Variants in MGA observed in about 807,000 individuals in gnomAD.
MGA encodes MAX dimerization protein MGA, also known as MAX gene-associated protein.
Under a neutral mutation model 261.1 loss-of-function variants are expected in MGA, and 40 were observed. The ratio of observed to expected loss-of-function variants is 0.15; its 90% CI spans 0.12 to 0.20. The LOEUF (loss-of-function observed/expected upper bound fraction) is 0.20. MGA is among the 10% of genes least tolerant of loss of function. The pLI is 1.00. For synonymous variants in MGA, 1,302 were observed against 1,290.6 expected (o/e 1.01, Z -0.19); for missense variants, 3,397 against 3,630.5 (o/e 0.94, Z 1.65).
chr15:41,650,786 G>T (rs1230856710), intron 1 of MGA, among the ~76,000 whole-genome samples: 1 of 152,162 alleles, frequency 6.6e-6, no homozygotes, highest in Admixed American at 6.6e-5. Flanking sequence ...ATAGTGCAGA[G>T]TAGGGATCTA....
chr15:41,739,803 A>T, intron 13 of MGA, 103 bp from the exon 14 acceptor site: 1 of 1,169,242 alleles, frequency 8.6e-7, no homozygotes, highest in Non-Finnish European at 1.2e-6. Flanking sequence ...TAAATCTGAA[A>T]AATAGACTTA....
intron 2 of MGA, among the ~76,000 whole-genome samples, chr15:41,695,431 C>T (rs2059507598): frequency 6.6e-6 from 1 of 152,160 alleles, no homozygotes; most frequent in South Asian, 2.1e-4. Context: ...TTGTGATCCG[C>T]CTGCCTCAGC....
chr15:41,734,044 A>C (rs765793361), intron 11 of MGA, among the ~76,000 whole-genome samples: 2 of 151,016 alleles, frequency 1.3e-5, no homozygotes, highest in Non-Finnish European at 2.9e-5. Context: ...ACCAACTGGG[A>C]CTATAGGTGT....
upstream of MGA, among the ~76,000 whole-genome samples, chr15:41,657,995 C>G (rs2057242091): frequency 1.3e-5 from 2 of 152,242 alleles, no homozygotes; most frequent in South Asian, 4.1e-4. Context: ...AGCCTTTCCC[C>G]TATCCTCAGC....
At position 41,696,636 on chromosome 15, in the gene MGA, A is replaced by T. The variant is rs200667036; in HGVS notation, c.1626A>T (p.Lys542Asn). Residue 542 changes from lysine (K) to asparagine (N), a missense_variant, in exon 3 of 24, where the codon AAA (lysine) becomes AAT (asparagine). Transcript: ENST00000219905. ...CACCAGATCTCAGAGTGGTACAAAA[A>T]TATCCCTTACTGAAAGAGCCTCAGT... The T allele has an allele frequency of 8.5e-4, 1,377 of 1,613,452 alleles. No individual in the cohort carries two copies. The highest frequency in any genetic ancestry group is 1.1e-3 in the Non-Finnish European group (1,255 of 1,179,708).
intron 1 of MGA, among the ~76,000 whole-genome samples, chr15:41,635,088 C>T (rs1328178675): frequency 6.6e-6 from 1 of 151,802 alleles, no homozygotes; most frequent in Non-Finnish European, 1.5e-5. Context: ...AATCCCAGCA[C>T]CTAGGGAGGC....
intron 2 of MGA, among the ~76,000 whole-genome samples, chr15:41,692,363 A>G: frequency 6.6e-6 from 1 of 152,154 alleles, no homozygotes; most frequent in Middle Eastern, 3.2e-3. Flanking sequence ...AGCAGTGAGG[A>G]CTAGTTTCCT....
intron 2 of MGA, among the ~76,000 whole-genome samples, chr15:41,682,692 G>T (rs1247579550): frequency 6.6e-6 from 1 of 151,756 alleles, no homozygotes; most frequent in African/African-American, 2.4e-5. Flanking sequence ...TTTTGGCCAG[G>T]CTGGTCTTGA....
chr15:41,698,854 G>A lies in MGA; in HGVS notation c.2014-9G>A, dbSNP rs1316256526. On this transcript the variant is annotated splice_polypyrimidine_tract_variant and intron_variant, in intron 3 of 23. Coordinates refer to ENST00000219905, the MANE Select transcript of MGA (RefSeq NM_001164273.2). ...TGAACTACTATTTTTTTTTTTTTTT[G>A]ATGTATAGGAAGCTCTAGACATTCA... 1 of 1,208,696 alleles carries A rather than the reference G, an allele frequency of 8.3e-7. No homozygotes were observed. The highest frequency in any genetic ancestry group is 1.1e-6 in the Non-Finnish European group (1 of 909,230). The allele number at this position is 1,208,696 out of a possible 1,614,324, so 74.9% of individuals were successfully genotyped here.
At chr15:41,743,581 A>G (rs2062241417) in intron 15 of MGA, among the ~76,000 whole-genome samples, 2 of 152,236 alleles carry the variant, frequency 1.3e-5, no homozygotes. Context: ...AGCCACTAAC[A>G]TGGGCATGGG....
Position 41,750,386 on chromosome 15 carries a change from C to T in MGA, c.6779C>T (p.Ala2260Val), listed in dbSNP as rs563694615. ...GCCTTCTCCATTGTTCCTAGGAGAGCTGCAAAAAGCAGCAGAGGGAATGGA... is the reference window on the plus strand; with the variant it reads ...GCCTTCTCCATTGTTCCTAGGAGAGTTGCAAAAAGCAGCAGAGGGAATGGA... The change falls in exon 17 of 24, where the codon GCT becomes GTT. Residue 2260 changes from alanine (A) to valine (V), a missense_variant. Physicochemically the swap from Ala to Val is moderately conservative, Grantham distance 64. Coordinates refer to ENST00000219905, the MANE Select transcript of MGA (RefSeq NM_001164273.2). 9.9e-6 allele frequency: 16 copies of T among 1,613,886 alleles called. No homozygotes were observed. In the East Asian group the frequency reaches 2.5e-4, roughly 25 times the overall value.
At chr15:41,764,773 G>A (rs2063709905) in intron 22 of MGA, 113 bp from the exon 23 acceptor site, 10 of 1,047,178 alleles carry the variant, frequency 9.5e-6, no homozygotes, top group Non-Finnish European at 7.0e-6. Flanking sequence ...TGAACTCCTG[G>A]GCTCAAGTGA....
rs2151992715 is a variant in MGA, at chr15:41,760,428, C to A, written c.7297C>A (p.Arg2433=). The change falls in exon 20 of 24, where the codon CGG becomes AGG. Residue 2433 remains arginine (R), a synonymous_variant. Coordinates refer to ENST00000219905, the MANE Select transcript of MGA (RefSeq NM_001164273.2). Reference sequence around the variant, plus strand: ...TCGCCGGACACACACTGCCAATGAGCGGCGGCGGCGTGGTGAAATGAGGGA... The same window carrying A: ...TCGCCGGACACACACTGCCAATGAGAGGCGGCGGCGTGGTGAAATGAGGGA... 6.2e-7 allele frequency: 1 copy of A among 1,613,870 alleles called. No homozygotes were observed. The highest frequency in any genetic ancestry group is 8.5e-7 in the Non-Finnish European group (1 of 1,179,806).
Position 41,710,888 on chromosome 15 carries a change from C to A in MGA, c.2623C>A (p.Gln875Lys). The A allele has an allele frequency of 6.2e-7, 1 of 1,613,848 alleles. No homozygotes were observed. Among genetic ancestry groups the A allele is most frequent in the Non-Finnish European group, 8.5e-7 (1 of 1,179,774 alleles). Residue 875 changes from glutamine to lysine, a missense_variant, in exon 8 of 24, where the codon CAA becomes AAA. By Grantham distance (53) the Gln-to-Lys change is moderately conservative (BLOSUM62 1). Transcript: ENST00000219905. The stretch of plus-strand genomic sequence containing the variant: ...AACACTTGATAGTGTACTAAAGAAG[C>A]AATCTACTATTTCCCCTTCTACCTC...
intron 1 of MGA, among the ~76,000 whole-genome samples, chr15:41,652,841 C>T (rs898278125): frequency 2.0e-5 from 3 of 152,040 alleles, no homozygotes; most frequent in Non-Finnish European, 4.4e-5. Context: ...TAGGGCTTAG[C>T]ACATAGTTGA....
chr15:41,659,785 C>T (rs1333707066), upstream of MGA, among the ~76,000 whole-genome samples: 3 of 152,216 alleles, frequency 2.0e-5, no homozygotes, highest in Admixed American at 1.3e-4. Context: ...TCTTTATATC[C>T]GGCAATTTAG....
intron 5 of MGA, among the ~76,000 whole-genome samples, chr15:41,703,367 T>TTCCCC: frequency 2.5e-5 from 1 of 40,404 alleles, no homozygotes; most frequent in South Asian, 1.3e-3. Context: ...ATTGTGAAGT[T>TTCCCC]ACCCCCCCCC....
upstream of MGA, among the ~76,000 whole-genome samples, chr15:41,657,878 G>C (rs1595585866): frequency 6.6e-6 from 1 of 152,122 alleles, no homozygotes; most frequent in Non-Finnish European, 1.5e-5. Context: ...GAAAGGATTG[G>C]ATCTGAATAG....
Position 41,669,143 on chromosome 15 carries a change from T to G in MGA, c.249T>G (p.Ser83Arg), listed in dbSNP as rs780839816. 1 of 1,613,758 alleles carries G rather than the reference T, an allele frequency of 6.2e-7. No individual in the cohort carries two copies. Among genetic ancestry groups the G allele is most frequent in the African/African-American group, 1.3e-5 (1 of 74,930 alleles). The change falls in exon 2 of 24, where the codon AGT becomes AGG. Residue 83 changes from serine to arginine, a missense_variant. By Grantham distance (110) the Ser-to-Arg change is moderately radical (BLOSUM62 -1). Around this residue, in one of 9 missense-constraint regions of MGA, gnomAD observed 104 missense variants for 212.9 expected, o/e 0.49. Transcript: ENST00000219905. ...TCACTGTTACCCTCGATAACAATAG[T>G]ATGTGGAATGAGTTCTATCATCGAA...
Sources: allele counts gnomAD v4.1 joint callset (sites outside exome capture counted in the v4.1 genomes callset), GRCh38; gene constraint gnomAD v4.1.1; regional missense constraint gnomAD v4.1.1; transcripts MANE v1.5; gene names NCBI Gene and HGNC (gene_info 2026-07-23, HGNC 2026-07-21).